Variants in SLC60A2 observed in about 807,000 individuals in gnomAD.
SLC60A2 encodes the protein major facilitator superfamily domain containing 4B.
the SLC60A2 span, among the ~76,000 whole-genome samples, chr6:111,276,981 T>G: frequency 6.6e-6 from 1 of 152,184 alleles, no homozygotes; most frequent in Admixed American, 6.5e-5. Context: ...CTGTTTGACT[T>G]GAGTAGATGC....
chr6:111,265,698 G>A, the SLC60A2 span, among the ~76,000 whole-genome samples: 14 of 152,188 alleles, frequency 9.2e-5, no homozygotes, highest in Non-Finnish European at 1.3e-4. Context: ...GTTGTCTGGT[G>A]GTAGTGGGTT....
chr6:111,266,858 C>G, the SLC60A2 span: 1 of 1,613,774 alleles, frequency 6.2e-7, no homozygotes, highest in Non-Finnish European at 8.5e-7. Context: ...TCTCTAGCTC[C>G]GGGCTAAATG....
At chr6:111,268,809 AGTCTGAAATACCTGG>A in the SLC60A2 span, 1 of 152,218 alleles carries the variant, frequency 6.6e-6, no homozygotes, top group Non-Finnish European at 1.5e-5. Context: ...CTCTTTCCTG[AGTCTGAAATACCTGG>A]GAAACCAGTT....
the SLC60A2 span, among the ~76,000 whole-genome samples, chr6:111,259,998 C>A: frequency 4.7e-5 from 7 of 148,788 alleles, no homozygotes; most frequent in African/African-American, 1.5e-4. Context: ...GCAACCTCTG[C>A]CCCCAGGGTT....
chr6:111,267,402 A>C, the SLC60A2 span: 1 of 275,964 alleles, frequency 3.6e-6, no homozygotes, highest in East Asian at 6.6e-5. Flanking sequence ...AGAGCACCCA[A>C]AGAAGGCATT....
At chr6:111,271,675 C>G in the SLC60A2 span, among the ~76,000 whole-genome samples, 2 of 142,568 alleles carry the variant, frequency 1.4e-5, no homozygotes, top group Non-Finnish European at 3.0e-5. Context: ...TGGTGGCTCA[C>G]ACCTGTAATC....
the SLC60A2 span, chr6:111,263,871 C>A: frequency 6.2e-7 from 1 of 1,612,010 alleles, no homozygotes; most frequent in South Asian, 1.1e-5. Flanking sequence ...TTATCTTGTT[C>A]CTTTTTGCAA....
At chr6:111,261,768 AT>A in the SLC60A2 span, among the ~76,000 whole-genome samples, 1 of 151,734 alleles carries the variant, frequency 6.6e-6, no homozygotes, top group African/African-American at 2.4e-5. Context: ...TAATTTTTGT[AT>A]TTTTAGTAGA....
chr6:111,263,058 C>A, the SLC60A2 span, among the ~76,000 whole-genome samples: 1 of 152,136 alleles, frequency 6.6e-6, no homozygotes, highest in South Asian at 2.1e-4. Context: ...CCATCTCAGC[C>A]TTCCAATTAA....
the SLC60A2 span, among the ~76,000 whole-genome samples, chr6:111,275,817 C>T: frequency 5.8e-3 from 882 of 152,270 alleles, 9 homozygotes; most frequent in African/African-American, 0.02. Context: ...TTAAATTGTA[C>T]AGTTCAGTGG....
the SLC60A2 span, among the ~76,000 whole-genome samples, chr6:111,260,706 C>T: frequency 3.3e-5 from 5 of 152,142 alleles, no homozygotes; most frequent in African/African-American, 1.2e-4. Flanking sequence ...GGACTCTGAG[C>T]CACAGTTGTT....
chr6:111,275,848 T>C, the SLC60A2 span, among the ~76,000 whole-genome samples: 1 of 152,230 alleles, frequency 6.6e-6, no homozygotes, highest in African/African-American at 2.4e-5. Context: ...ATTCACATTG[T>C]CTTACAACCA....
chr6:111,262,398 G>C, the SLC60A2 span: 3 of 1,613,160 alleles, frequency 1.9e-6, no homozygotes, highest in Non-Finnish European at 1.7e-6. Context: ...ATTTCTTGTC[G>C]ATGTCATGAA....
At chr6:111,266,996 C>T in the SLC60A2 span, 2 of 1,614,152 alleles carry the variant, frequency 1.2e-6, no homozygotes, top group South Asian at 1.1e-5. Flanking sequence ...TGACGGAGCC[C>T]ACAGCTGAAG....
At chr6:111,262,362 T>A in the SLC60A2 span, 1 of 1,614,210 alleles carries the variant, frequency 6.2e-7, no homozygotes, top group Non-Finnish European at 8.5e-7. Flanking sequence ...TGCCTTGGGA[T>A]ATTTGAGTGG....
At chr6:111,274,018 C>T in the SLC60A2 span, among the ~76,000 whole-genome samples, 3 of 150,644 alleles carry the variant, frequency 2.0e-5, no homozygotes, top group Non-Finnish European at 4.5e-5. Context: ...CTGTACCTAG[C>T]CTAATTTTTA....
At chr6:111,266,688 C>A in the SLC60A2 span, 1 of 1,614,036 alleles carries the variant, frequency 6.2e-7, no homozygotes. Flanking sequence ...CATTGGAATT[C>A]TTCAAGGAAA....
chr6:111,259,340 G>T, the SLC60A2 span: 1 of 292,794 alleles, frequency 3.4e-6, no homozygotes. Flanking sequence ...CTGCTTGCTG[G>T]AGAGCGAGCG....
chr6:111,268,832 G>A, the SLC60A2 span: 2 of 152,250 alleles, frequency 1.3e-5, no homozygotes. Context: ...TGGGAAACCA[G>A]TTAGAAGGTG....
Sources: gnomAD v4.1 joint callset for allele counts (sites outside exome capture counted in the v4.1 genomes callset) on GRCh38, gnomAD v4.1.1 for gene constraint, MANE v1.5 for transcripts, NCBI Gene and HGNC (gene_info 2026-07-23, HGNC 2026-07-21) for gene names.